GRM7: variants seen among roughly 807,000 people sequenced by gnomAD.
GRM7 encodes metabotropic glutamate receptor 7.
GRM7 carries 35 observed loss-of-function variants against 84.5 expected under a neutral mutation model. That is an observed-to-expected ratio of 0.41 (90% CI 0.32 to 0.55). The LOEUF (loss-of-function observed/expected upper bound fraction) is 0.55, where lower values mean the gene tolerates loss of function less well. GRM7 is among the 20% of genes least tolerant of loss of function. The probability of loss-of-function intolerance (pLI) is 0.19; values close to 1 mark genes in which losing one functional copy is unlikely to be tolerated. For synonymous variants in GRM7, 487 were observed against 455.1 expected (o/e 1.07, Z -0.89); for missense variants, 1,003 against 1,194.6 (o/e 0.84, Z 2.36).
chr3:7,667,993 TC>T (rs989283155), intron 8 of GRM7, among the ~76,000 whole-genome samples: 134 of 152,256 alleles, frequency 8.8e-4, no homozygotes, highest in African/African-American at 3.0e-3. Flanking sequence ...AAAGATAAGC[TC>T]CCATCTTTAC....
At chr3:7,382,324 T>C (rs376109698) in intron 4 of GRM7, among the ~76,000 whole-genome samples, 6 of 152,318 alleles carry the variant, frequency 3.9e-5, no homozygotes, top group Admixed American at 2.0e-4. Flanking sequence ...CATGAAGATT[T>C]TGTATCTTCA....
intron 7 of GRM7, among the ~76,000 whole-genome samples, chr3:7,478,841 T>A (rs905758616): frequency 6.6e-6 from 1 of 152,166 alleles, no homozygotes; most frequent in African/African-American, 2.4e-5. Flanking sequence ...CACCTGCACA[T>A]CTTTGACGGG....
intron 9 of GRM7, among the ~76,000 whole-genome samples, chr3:7,714,067 T>G (rs1701690894): frequency 6.6e-6 from 1 of 152,152 alleles, no homozygotes; most frequent in Admixed American, 6.6e-5. Flanking sequence ...TTTTGAGTTT[T>G]TAAAATCCCA....
intron 7 of GRM7, among the ~76,000 whole-genome samples, chr3:7,572,512 G>A (rs1381701848): frequency 5.3e-5 from 8 of 151,872 alleles, no homozygotes; most frequent in Non-Finnish European, 7.4e-5. Flanking sequence ...AGGGTCTACT[G>A]CAGTTAAAAA....
At chr3:6,961,779 C>T (rs1004156797) in intron 1 of GRM7, among the ~76,000 whole-genome samples, 1 of 152,066 alleles carries the variant, frequency 6.6e-6, no homozygotes, top group Non-Finnish European at 1.5e-5. Flanking sequence ...TCCTGTAGAC[C>T]CTCCCTTCTG....
intron 1 of GRM7, among the ~76,000 whole-genome samples, chr3:6,922,273 G>A (rs1485974324): frequency 6.6e-6 from 1 of 152,182 alleles, no homozygotes; most frequent in Non-Finnish European, 1.5e-5. Flanking sequence ...AGATAGAAAT[G>A]AACAACCAGG....
intron 7 of GRM7, among the ~76,000 whole-genome samples, chr3:7,481,629 C>T (rs1699132356): frequency 6.6e-6 from 1 of 152,138 alleles, no homozygotes; most frequent in African/African-American, 2.4e-5. Context: ...AATGATAACT[C>T]TTATTGCTAT....
chr3:7,741,113 G>A lies in GRM7; in HGVS notation c.*707G>A, dbSNP rs564012205. ...TAGGTTACATAAAAGGAAGGTATTG[G>A]CTGAACTGAATAGAGGTCTTGATCT... is the stretch of plus-strand genomic sequence containing the variant. On this transcript the variant is annotated 3_prime_UTR_variant, in exon 10 of 10. Transcript: ENST00000357716. 1 of 152,532 alleles carries A rather than the reference G, an allele frequency of 6.6e-6. No homozygotes were observed. The highest frequency in any genetic ancestry group is 1.5e-5 in the Non-Finnish European group (1 of 68,006). 9.4% of individuals were successfully genotyped at this position (152,532 alleles called of 1,614,324 possible).
chr3:7,234,895 T>C (rs558383625), intron 2 of GRM7, among the ~76,000 whole-genome samples: 7 of 152,330 alleles, frequency 4.6e-5, no homozygotes, highest in African/African-American at 1.7e-4. Flanking sequence ...AGTCCTTCAT[T>C]AAACTCATTA....
intron 7 of GRM7, among the ~76,000 whole-genome samples, chr3:7,565,079 G>A (rs1868620): frequency 0.87 from 132,334 of 152,236 alleles, 57,809 homozygotes; most frequent in African/African-American, 0.96. Flanking sequence ...GGACATTTAA[G>A]CTGCAAACAT....
chr3:6,997,364 A>G (rs1694861049), intron 1 of GRM7, among the ~76,000 whole-genome samples: 1 of 152,200 alleles, frequency 6.6e-6, no homozygotes, highest in South Asian at 2.1e-4. Flanking sequence ...AAAGAGGTCT[A>G]TTTGACTCAC....
At chr3:7,589,625 A>C (rs1695686828) in intron 8 of GRM7, among the ~76,000 whole-genome samples, 1 of 152,138 alleles carries the variant, frequency 6.6e-6, no homozygotes. Context: ...AGCTGTGTGG[A>C]TGATTGGTAA....
At chr3:6,872,334 C>G (rs1173007166) in intron 1 of GRM7, among the ~76,000 whole-genome samples, 1 of 152,162 alleles carries the variant, frequency 6.6e-6, no homozygotes, top group Non-Finnish European at 1.5e-5. Flanking sequence ...CTGCCACTCT[C>G]CAAGCTTGCA....
intron 2 of GRM7, among the ~76,000 whole-genome samples, chr3:7,258,956 A>G (rs1361236131): frequency 6.6e-6 from 1 of 152,256 alleles, no homozygotes; most frequent in African/African-American, 2.4e-5. Context: ...ACTTTACAAG[A>G]CTAACTTAAG....
At chr3:6,997,198 A>ATTAATATT (rs1312478921) in intron 1 of GRM7, among the ~76,000 whole-genome samples, 1 of 151,998 alleles carries the variant, frequency 6.6e-6, no homozygotes, top group African/African-American at 2.4e-5. Context: ...ACATTCAATA[A>ATTAATATT]TTAATATTTT....
rs35226739 is a variant in GRM7 at position 7,428,456 on chromosome 3, T to G, written c.1174+13293T>G. Among the ~76,000 whole-genome samples the G allele has an allele frequency of 7.6e-3, 1,152 of 152,272 alleles. 5 individuals are homozygous for G. The highest frequency in any genetic ancestry group is 0.014 in the South Asian group (68 of 4,826). On this transcript the variant is annotated intron_variant, in intron 5 of 9. Coordinates refer to ENST00000357716, the MANE Select transcript of GRM7 (RefSeq NM_000844.4). ...AGTGTGTGTTCTTTCATTAAAATGG[T>G]GAATGAGATCTCATTCACTCTGTAC... is the stretch of plus-strand genomic sequence containing the variant.
rs55732650 is a variant in GRM7 at position 7,176,229 on chromosome 3, T to TAA, written c.736+29593_736+29594dup. ...AAGGAGACCTCATCTCTATAAAAAGTAAAAAAAAAAAAAAAAAAAAAAAAA... is the reference window on the plus strand; with the variant it reads ...AAGGAGACCTCATCTCTATAAAAAGTAAAAAAAAAAAAAAAAAAAAAAAAAAA... On this transcript the variant is annotated intron_variant, in intron 2 of 9. Coordinates refer to ENST00000357716, the MANE Select transcript of GRM7 (RefSeq NM_000844.4). Among the ~76,000 whole-genome samples, 125 of 63,138 alleles carry TAA rather than the reference T, an allele frequency of 2.0e-3. 4 individuals are homozygous for TAA. Among genetic ancestry groups the TAA allele is most frequent in the South Asian group, 3.4e-3 (4 of 1,178 alleles). 41.4% of individuals were successfully genotyped at this position (63,138 alleles called of 152,430 possible). A position where few individuals can be genotyped will look rare whatever the true frequency, so the allele number is the denominator to read the frequency against.
At chr3:7,421,492 T>C (rs1009628842) in intron 5 of GRM7, among the ~76,000 whole-genome samples, 5 of 152,308 alleles carry the variant, frequency 3.3e-5, no homozygotes, top group Non-Finnish European at 4.4e-5. Context: ...TTAAAACCCC[T>C]TATCCCACAT....
At chr3:7,060,298 C>G (rs556732935) in intron 1 of GRM7, among the ~76,000 whole-genome samples, 1 of 151,810 alleles carries the variant, frequency 6.6e-6, no homozygotes, top group Non-Finnish European at 1.5e-5. Context: ...CTATTGGAAA[C>G]GGCTTTCTAA....
Sources: gnomAD v4.1 joint callset for allele counts (sites outside exome capture counted in the v4.1 genomes callset) on GRCh38, gnomAD v4.1.1 for gene constraint, MANE v1.5 for transcripts, NCBI Gene and HGNC (gene_info 2026-07-23, HGNC 2026-07-21) for gene names.